NAV2: variants seen among roughly 807,000 people sequenced by gnomAD.
The protein encoded by NAV2 is helicase, APC down-regulated 1.
NAV2 carries 54 observed loss-of-function variants against 223.2 expected under a neutral mutation model. The observed-to-expected ratio is 0.24, with a 90% CI of 0.19 to 0.30. NAV2 has a LOEUF of 0.30. Ranked by LOEUF, NAV2 falls within the 10% of genes least tolerant of loss-of-function variation. NAV2 has a pLI of 1.00. For missense variants in NAV2, 2,806 were observed against 3,147.5 expected (o/e 0.89, Z 2.60); for synonymous variants, 1,279 against 1,239.3 (o/e 1.03, Z -0.67).
At chr11:19,781,955 G>GT (rs536564892) in intron 1 of NAV2, among the ~76,000 whole-genome samples, 5 of 151,754 alleles carry the variant, frequency 3.3e-5, no homozygotes, top group East Asian at 1.9e-4. Context: ...AACAACTTCC[G>GT]TTTTTTTTCC....
At chr11:19,479,979 G>C (rs550651708) in intron 1 of NAV2, among the ~76,000 whole-genome samples, 17 of 152,246 alleles carry the variant, frequency 1.1e-4, no homozygotes, top group Non-Finnish European at 2.2e-4. Flanking sequence ...AAAATAATTG[G>C]GGGGAAAACA....
At chr11:20,089,024 A>G (rs2060643123) in intron 26 of NAV2, among the ~76,000 whole-genome samples, 2 of 152,054 alleles carry the variant, frequency 1.3e-5, no homozygotes, top group Non-Finnish European at 2.9e-5. Flanking sequence ...AAAAAAAAGC[A>G]TGGTTCTATC....
chr11:19,479,344 T>C (rs759948883), intron 1 of NAV2, among the ~76,000 whole-genome samples: 4 of 152,126 alleles, frequency 2.6e-5, no homozygotes, highest in Non-Finnish European at 5.9e-5. Context: ...GGAGATTGCT[T>C]CTTTTGGGTG....
chr11:20,007,812 AATC>A (rs2053213847), intron 11 of NAV2, among the ~76,000 whole-genome samples: 1 of 152,218 alleles, frequency 6.6e-6, no homozygotes, highest in Non-Finnish European at 1.5e-5. Context: ...CTTCAGCTGT[AATC>A]ATCTTCCAAG....
chr11:20,106,183 GTATATATATATA>G (rs1182631250), intron 35 of NAV2, among the ~76,000 whole-genome samples: 325 of 25,518 alleles, frequency 0.013, 40 homozygotes, highest in African/African-American at 0.019. Flanking sequence ...ATATGTGTGT[GTATATATATATA>G]TATATATATA....
At chr11:20,076,013 TC>T (rs1321650432) in intron 22 of NAV2, among the ~76,000 whole-genome samples, 1 of 152,138 alleles carries the variant, frequency 6.6e-6, no homozygotes, top group African/African-American at 2.4e-5. Flanking sequence ...TTCCCAAACC[TC>T]CTTTTTTCCC....
chr11:19,912,441 A>G (rs1015352666), intron 6 of NAV2, among the ~76,000 whole-genome samples: 1 of 152,154 alleles, frequency 6.6e-6, no homozygotes, highest in African/African-American at 2.4e-5. Context: ...CAGAAAATAA[A>G]ATTTGTTTCA....
intron 6 of NAV2, among the ~76,000 whole-genome samples, chr11:19,913,868 G>A (rs772958894): frequency 2.6e-5 from 4 of 152,078 alleles, no homozygotes; most frequent in East Asian, 1.9e-4. Flanking sequence ...TATAGGGACC[G>A]CATAGTCTCC....
At chr11:19,916,418 C>T (rs2043811191) in intron 6 of NAV2, among the ~76,000 whole-genome samples, 1 of 152,198 alleles carries the variant, frequency 6.6e-6, no homozygotes, top group African/African-American at 2.4e-5. Flanking sequence ...TGCATTAATA[C>T]ATAAAAGTTG....
In NAV2 at chr11:19,704,905, G is replaced by A. The variant is rs190759654; in HGVS notation, c.76-127579G>A. ...GGGCGCCTGTAGTCCCAGCTACTCG[G>A]GAGGCTGAGGCAGGAGAATGGCGTG... is the stretch of plus-strand genomic sequence containing the variant. On this transcript the variant is annotated intron_variant, in intron 1 of 37. Coordinates refer to the NAV2 transcript ENST00000360655. 3.6e-3 allele frequency among the ~76,000 whole-genome samples: 539 copies of A among 151,562 alleles called. 2 individuals are homozygous for A. The highest frequency in any genetic ancestry group is 0.013 in the African/African-American group (522 of 41,318).
At chr11:20,040,637 G>C (rs891979470) in intron 12 of NAV2, among the ~76,000 whole-genome samples, 1 of 152,134 alleles carries the variant, frequency 6.6e-6, no homozygotes, top group African/African-American at 2.4e-5. Context: ...TCCCTTGTGC[G>C]TGGCTTCTTT....
rs367589335 is a variant in NAV2 at position 20,045,153 on chromosome 11, G to A, written c.3385G>A (p.Ala1129Thr). Residue 1129 changes from alanine to threonine, a missense_variant, in exon 14 of 38, where the codon GCC becomes ACC. Physicochemically the swap from Ala to Thr is moderately conservative, Grantham distance 58 (BLOSUM62 0). This residue lies in a region of NAV2 where 742 missense variants were observed against 777.9 expected (regional missense o/e 0.95). Transcript: ENST00000349880. ...TGGGTTCAAGAAGCAGAGTGGTTCC[G>A]CCGCCGGCCTGGCCATGATCACAGC... ...SFGFKKQSGSAAGLAMITASG... is the reference protein window; with the variant it reads ...SFGFKKQSGSTAGLAMITASG... 22 of 1,613,962 alleles carry A rather than the reference G, an allele frequency of 1.4e-5. No individual in the cohort carries two copies. The highest frequency in any genetic ancestry group is 3.3e-5 in the Admixed American group (2 of 60,002).
chr11:19,589,258 C>T (rs1307257097), intron 1 of NAV2, among the ~76,000 whole-genome samples: 5 of 152,112 alleles, frequency 3.3e-5, no homozygotes, highest in East Asian at 1.9e-4. Flanking sequence ...ACCAATCAAA[C>T]GAACAAACAA....
chr11:19,741,558 G>A (rs2052808069), intron 1 of NAV2, among the ~76,000 whole-genome samples: 1 of 139,884 alleles, frequency 7.1e-6, no homozygotes, highest in Non-Finnish European at 1.5e-5. Flanking sequence ...TTTTCTTTCT[G>A]TGTCTGGGCT....
At chr11:19,632,682 C>T (rs557562883) in intron 1 of NAV2, among the ~76,000 whole-genome samples, 6 of 152,194 alleles carry the variant, frequency 3.9e-5, no homozygotes, top group Admixed American at 6.5e-5. Flanking sequence ...CCTATCTCAT[C>T]GGAATATGCC....
At chr11:19,610,935 AGCCCAGCC>A (rs2046622055) in intron 1 of NAV2, among the ~76,000 whole-genome samples, 1 of 151,408 alleles carries the variant, frequency 6.6e-6, no homozygotes, top group African/African-American at 2.4e-5. Context: ...CTCCAGGCTC[AGCCCAGCC>A]CCTTCCTGGG....
intron 31 of NAV2, 91 bp from the exon 32 acceptor site, chr11:20,100,846 C>A (rs2245314): frequency 0.99 from 1,056,401 of 1,062,110 alleles, 525,541 homozygotes; most frequent in East Asian, 1. Flanking sequence ...GGAGAGGAAT[C>A]ACCTCAGGTC....
intron 5 of NAV2, among the ~76,000 whole-genome samples, chr11:19,883,821 A>T (rs2063363025): frequency 6.6e-6 from 1 of 152,234 alleles, no homozygotes; most frequent in Admixed American, 6.5e-5. Flanking sequence ...AAAAGCAAAA[A>T]TCCCCAAGGC....
chr11:20,078,046 C>T lies in NAV2; in HGVS notation c.5121C>T (p.Asn1707=), dbSNP rs149156997. The stretch of plus-strand genomic sequence containing the variant: ...CCATTGAGCTGCTAAAGAAACAGAA[C>T]GCAGCTGCCCAGGCTGCCATTAATG... ...RKTIELLKKQ[N]AAAQAAINGV... is the part of the protein sequence containing the mutation. The change falls in exon 24 of 38, where the codon AAC becomes AAT. Residue 1707 remains asparagine (N), a synonymous_variant. Transcript: ENST00000349880. The T allele has an allele frequency of 4.7e-4, 752 of 1,613,184 alleles. 3 individuals carry two copies. Among genetic ancestry groups the T allele is most frequent in the East Asian group, 8.9e-4 (40 of 44,840 alleles).
Sources: gnomAD v4.1 joint callset for allele counts (sites outside exome capture counted in the v4.1 genomes callset) on GRCh38, gnomAD v4.1.1 for gene constraint, gnomAD v4.1.1 regional missense constraint, MANE v1.5 for transcripts, NCBI Gene and HGNC (gene_info 2026-07-23, HGNC 2026-07-21) for gene names.